Variants in ATXN2 observed in about 807,000 individuals in gnomAD.
ATXN2 encodes ataxin 2.
A neutral mutation model predicts 138.6 loss-of-function variants in ATXN2; 37 were observed. That is an observed-to-expected ratio of 0.27 (90% CI 0.21 to 0.35). The LOEUF (loss-of-function observed/expected upper bound fraction) is 0.35, where lower values mean the gene tolerates loss of function less well. Among genes scored for constraint, ATXN2 ranks in the 10% least tolerant of loss-of-function variants. The probability of loss-of-function intolerance (pLI) is 1.00; values close to 1 mark genes in which losing one functional copy is unlikely to be tolerated. For missense variants in ATXN2, 1,216 were observed against 1,480.3 expected (o/e 0.82, Z 2.93); for synonymous variants, 549 against 543.7 (o/e 1.01, Z -0.13).
intron 5 of ATXN2, among the ~76,000 whole-genome samples, chr12:111,534,890 T>G (rs1298777937): frequency 6.6e-6 from 1 of 152,060 alleles, no homozygotes; most frequent in Non-Finnish European, 1.5e-5. Flanking sequence ...ATCCCAGCAC[T>G]TGGGGAGGCT....
chr12:111,543,895 G>A (rs1437034889), intron 5 of ATXN2, among the ~76,000 whole-genome samples: 1 of 152,060 alleles, frequency 6.6e-6, no homozygotes, highest in East Asian at 1.9e-4. Flanking sequence ...GGGAAACATA[G>A]TGAGAACCAG....
intron 20 of ATXN2, among the ~76,000 whole-genome samples, chr12:111,467,800 T>C (rs1256088849): frequency 6.6e-6 from 1 of 152,192 alleles, no homozygotes; most frequent in Non-Finnish European, 1.5e-5. Context: ...GTTATGAAAA[T>C]CATCTGTACC....
Position 111,510,595 on chromosome 12 carries a change from G to A in ATXN2, c.1559-13C>T, listed in dbSNP as rs746645618. 1.8e-5 allele frequency: 28 copies of A among 1,587,326 alleles called. 1 individual carries two copies. The Middle Eastern group carries it at 8.5e-4, about 48-fold the overall frequency. On this transcript the variant is annotated splice_polypyrimidine_tract_variant and intron_variant, in intron 11 of 24. Coordinates refer to ENST00000673436, the MANE Select transcript of ATXN2 (RefSeq NM_001372574.1). ...GATAATCTTGGAACTAGAAGAAAGG[G>A]AAAATGTATTTATTACATTCTCAGT...
rs569480049 is a variant in ATXN2, at chr12:111,539,642, G to A, written c.571+12638C>T. Among the ~76,000 whole-genome samples, 10 of 149,900 alleles carry A rather than the reference G, an allele frequency of 6.7e-5. No homozygotes were observed. In the South Asian group the frequency reaches 2.1e-3, roughly 32 times the overall value. ...GGTACCTCTAGTCCCAGCTACCCGG[G>A]AGGCTGAGGCAGGAGAAAATGGCAT... On this transcript the variant is annotated intron_variant, in intron 5 of 24. Transcript: ENST00000673436.
intron 8 of ATXN2, among the ~76,000 whole-genome samples, chr12:111,519,120 C>A (rs985933189): frequency 8.5e-5 from 13 of 152,310 alleles, no homozygotes; most frequent in Admixed American, 8.5e-4. Flanking sequence ...AAACCTCAGG[C>A]TCATCCCTTA....
rs1874729385 is a variant in ATXN2 at position 111,452,522 on chromosome 12, T to G, written c.*290A>C. ...TGATGTGTTCATGACTTTCAAGGGTTATTAAAAAATAAATAACTTCCAGTT... is the reference window on the plus strand; with the variant it reads ...TGATGTGTTCATGACTTTCAAGGGTGATTAAAAAATAAATAACTTCCAGTT... On this transcript the variant is annotated 3_prime_UTR_variant, in exon 25 of 25. Transcript: ENST00000673436. 1 of 338,572 alleles carries G rather than the reference T, an allele frequency of 3.0e-6. No homozygotes were observed. The highest frequency in any genetic ancestry group is 4.6e-5 in the Admixed American group (1 of 21,658). 21.0% of individuals were successfully genotyped at this position (338,572 alleles called of 1,614,324 possible).
Position 111,561,197 on chromosome 12 carries a change from T to A in ATXN2, c.252-5278A>T, listed in dbSNP as rs1219530009. On this transcript the variant is annotated intron_variant, in intron 1 of 24. Transcript: ENST00000673436. ...GAGACTCCGCCTCAAAAAAAAAAAA[T>A]AAATGAACAGTCTCTGGCCGGGCAT... Among the ~76,000 whole-genome samples, 4 of 141,798 alleles carry A rather than the reference T, an allele frequency of 2.8e-5. 1 individual carries two copies. Among genetic ancestry groups the A allele is most frequent in the Middle Eastern group, 9.6e-3 (2 of 208 alleles). The allele number at this position is 141,798 out of a possible 152,430, so 93.0% of individuals were successfully genotyped here.
At chr12:111,590,822 A>G (rs562604240) in intron 1 of ATXN2, among the ~76,000 whole-genome samples, 237 of 152,316 alleles carry the variant, frequency 1.6e-3, no homozygotes, top group Non-Finnish European at 2.7e-3. Flanking sequence ...TGGGAACTGC[A>G]TATAGCAAGA....
intron 1 of ATXN2, among the ~76,000 whole-genome samples, chr12:111,593,005 A>G (rs982318645): frequency 6.6e-6 from 1 of 152,016 alleles, no homozygotes; most frequent in Admixed American, 6.6e-5. Context: ...TCAAAGTAAA[A>G]AAACAATACT....
chr12:111,596,530 C>T (rs375738060), intron 1 of ATXN2, among the ~76,000 whole-genome samples: 4 of 152,150 alleles, frequency 2.6e-5, no homozygotes, highest in Non-Finnish European at 2.9e-5. Context: ...ACTGTTGATA[C>T]GCACAAACCT....
rs527910279 is a variant in ATXN2 at position 111,485,036 on chromosome 12, C to T, written c.2524+229G>A. The T allele has an allele frequency of 1.0e-5, 4 of 401,968 alleles. No homozygotes were observed. The South Asian group carries it at 2.6e-4, about 27-fold the overall frequency. The allele number at this position is 401,968 out of a possible 1,614,324, so 24.9% of individuals were successfully genotyped here. A position where few individuals can be genotyped will look rare whatever the true frequency, so the allele number is the denominator to read the frequency against. On this transcript the variant is annotated intron_variant, in intron 18 of 24. Transcript: ENST00000673436. ...AGCCATCACACCAGGCCTCCAATTA[C>T]TCTTTTTGAAGAGGATACTATATAA... is the stretch of plus-strand genomic sequence containing the variant.
At chr12:111,563,379 G>T (rs898030789) in intron 1 of ATXN2, among the ~76,000 whole-genome samples, 4 of 151,944 alleles carry the variant, frequency 2.6e-5, no homozygotes, top group African/African-American at 7.3e-5. Context: ...TTGATTTGTT[G>T]ATTGTTTTAA....
At chr12:111,587,611 A>G (rs1008760951) in intron 1 of ATXN2, among the ~76,000 whole-genome samples, 9 of 152,116 alleles carry the variant, frequency 5.9e-5, no homozygotes, top group Admixed American at 5.2e-4. Context: ...AGCCATGACC[A>G]TACCACTATA....
rs554375674 is a variant in ATXN2 at position 111,486,420 on chromosome 12, C to T, written c.2304+341G>A. ...CTGCATGTGTTCAGTATAGATTATC[C>T]TAACTATGTTTTTGATCCATGGTTG... is the stretch of plus-strand genomic sequence containing the variant. On this transcript the variant is annotated intron_variant, in intron 16 of 24. Transcript: ENST00000673436. Among the ~76,000 whole-genome samples the T allele has an allele frequency of 2.1e-3, 322 of 152,262 alleles. 6 individuals are homozygous for T. The South Asian group carries it at 0.031, about 15-fold the overall frequency.
chr12:111,515,889 C>T (rs1879827458), intron 10 of ATXN2, among the ~76,000 whole-genome samples: 1 of 152,182 alleles, frequency 6.6e-6, no homozygotes, highest in Non-Finnish European at 1.5e-5. Flanking sequence ...GGGGCAGACC[C>T]TTCTGGGGCT....
intron 11 of ATXN2, chr12:111,511,459 GA>G (rs1408878029): frequency 6.9e-6 from 1 of 144,180 alleles, no homozygotes; most frequent in Non-Finnish European, 1.5e-5. Flanking sequence ...AGCTGAAGCA[GA>G]TTTTTTTTTT....
At chr12:111,569,808 G>C (rs1173745556) in intron 1 of ATXN2, among the ~76,000 whole-genome samples, 2 of 151,976 alleles carry the variant, frequency 1.3e-5, no homozygotes, top group African/African-American at 2.4e-5. Context: ...GGGATAAAAG[G>C]CTTGGTCATG....
intron 20 of ATXN2, among the ~76,000 whole-genome samples, chr12:111,465,088 T>C (rs2135665970): frequency 6.6e-6 from 1 of 152,314 alleles, no homozygotes; most frequent in South Asian, 2.1e-4. Context: ...ACATTACTAA[T>C]GGAAATGTCA....
chr12:111,493,786 G>A (rs1050983753), intron 14 of ATXN2, among the ~76,000 whole-genome samples: 13 of 151,386 alleles, frequency 8.6e-5, no homozygotes, highest in African/African-American at 2.9e-4. Flanking sequence ...GTGCCACCAC[G>A]CCTGGCTAAT....
Sources: allele counts gnomAD v4.1 joint callset (sites outside exome capture counted in the v4.1 genomes callset), GRCh38; gene constraint gnomAD v4.1.1; transcripts MANE v1.5; gene names NCBI Gene and HGNC (gene_info 2026-07-23, HGNC 2026-07-21).